DR1: variants seen among roughly 807,000 people sequenced by gnomAD.
DR1 encodes protein Dr1.
Under a neutral mutation model 19.9 loss-of-function variants are expected in DR1, and 7 were observed. The ratio of observed to expected loss-of-function variants is 0.35; its 90% CI spans 0.20 to 0.66. The LOEUF (loss-of-function observed/expected upper bound fraction) is 0.66, where lower values mean the gene tolerates loss of function less well. Among genes scored for constraint, DR1 ranks in the 30% least tolerant of loss-of-function variants. DR1 has a pLI of 0.66. For missense variants in DR1, 98 were observed against 203.7 expected (o/e 0.48, Z 3.16); for synonymous variants, 76 against 72.5 (o/e 1.05, Z -0.24).
chr1:93,346,487 C>G lies in DR1; in HGVS notation c.-159C>G, dbSNP rs1666841266. 9 of 625,212 alleles carry G rather than the reference C, an allele frequency of 1.4e-5. No individual in the cohort carries two copies. The South Asian group carries it at 1.7e-4, about 12-fold the overall frequency. 38.7% of individuals were successfully genotyped at this position (625,212 alleles called of 1,614,324 possible). On this transcript the variant is annotated 5_prime_UTR_variant, in exon 1 of 3. Transcript: ENST00000370272. ...TCTCACACACGCGAGTGTTCCCAGC[C>G]CTCAAGCCAGCTGCTCCTCCGTTCA...
chr1:93,353,885 T>C (rs775004421), intron 1 of DR1, 23 bp from the exon 2 acceptor site: 2 of 1,575,150 alleles, frequency 1.3e-6, no homozygotes, highest in Non-Finnish European at 1.7e-6. Context: ...CCCTTTCATA[T>C]TTTAATATTT....
rs1414203614 is a variant in DR1 at position 93,362,896 on chromosome 1, T to G, written c.*2257T>G. ...TATTATGTTTTGCCAGTTAAAATTT[T>G]TTAAATCTTTTGAAGAGAGAAACAA... On this transcript the variant is annotated 3_prime_UTR_variant, in exon 3 of 3. Transcript: ENST00000370272. 1 of 146,446 alleles carries G rather than the reference T, an allele frequency of 6.8e-6. No individual in the cohort carries two copies. The highest frequency in any genetic ancestry group is 1.5e-5 in the Non-Finnish European group (1 of 66,362). 9.1% of individuals were successfully genotyped at this position (146,446 alleles called of 1,614,324 possible).
chr1:93,359,657 C>G (rs1227363520), intron 2 of DR1, among the ~76,000 whole-genome samples: 1 of 152,036 alleles, frequency 6.6e-6, no homozygotes, highest in Non-Finnish European at 1.5e-5. Context: ...TTTTTAAGAA[C>G]AGGTTCATTT....
At chr1:93,347,267 C>G (rs1456562855) in intron 1 of DR1, among the ~76,000 whole-genome samples, 1 of 152,188 alleles carries the variant, frequency 6.6e-6, no homozygotes. Context: ...AGACAGAGCA[C>G]CCCCTTCCCC....
intron 2 of DR1, among the ~76,000 whole-genome samples, chr1:93,358,465 A>G (rs1667018984): frequency 6.6e-6 from 1 of 152,130 alleles, no homozygotes; most frequent in Non-Finnish European, 1.5e-5. Flanking sequence ...CAGAGACTGA[A>G]CGCGGTTTGC....
rs779082237 is a variant in DR1, at chr1:93,368,914, A to G, written c.*8275A>G. ...GGCCCTCTGTGTCTGGGGGTTCCAC[A>G]TCTATAGATCGACCAACCATGGACT... On this transcript the variant is annotated 3_prime_UTR_variant, in exon 3 of 3. Coordinates refer to ENST00000370272, the MANE Select transcript of DR1 (RefSeq NM_001938.3). 9.9e-5 allele frequency: 15 copies of G among 152,184 alleles called. No individual in the cohort carries two copies. The highest frequency in any genetic ancestry group is 1.9e-4 in the Non-Finnish European group (13 of 68,026). 9.4% of individuals were successfully genotyped at this position (152,184 alleles called of 1,614,324 possible). A position where few individuals can be genotyped will look rare whatever the true frequency, so the allele number is the denominator to read the frequency against.
In DR1 at chr1:93,346,118, T is replaced by C. The variant is rs1666830556; in HGVS notation, c.-528T>C. ...GCAGCGGCAGCGGCAGCGGCGGACA[T>C]GTTGTGAGGCGGCGGCGCGGGTGTC... is the stretch of plus-strand genomic sequence containing the variant. On this transcript the variant is annotated 5_prime_UTR_variant, in exon 1 of 3. The change abolishes an upstream ATG in the 5' untranslated region. Coordinates refer to ENST00000370272, the MANE Select transcript of DR1 (RefSeq NM_001938.3). 6.6e-5 allele frequency: 14 copies of C among 212,996 alleles called. No individual in the cohort carries two copies. The South Asian group carries it at 7.6e-4, about 12-fold the overall frequency. 13.2% of individuals were successfully genotyped at this position (212,996 alleles called of 1,614,324 possible). A position where few individuals can be genotyped will look rare whatever the true frequency, so the allele number is the denominator to read the frequency against.
In DR1 at chr1:93,346,578, C is replaced by G; in HGVS notation, c.-68C>G. ...CTCCGAGGGCGACTTTTTGAGAAAT[C>G]TCGGTGGAGTAGTGGACCAGAGCTG... On this transcript the variant is annotated 5_prime_UTR_variant, in exon 1 of 3. It adds an upstream start codon to the 5' untranslated region. Transcript: ENST00000370272. The G allele has an allele frequency of 7.3e-7, 1 of 1,361,012 alleles. No individual in the cohort carries two copies. The highest frequency in any genetic ancestry group is 1.2e-5 in the South Asian group (1 of 82,526). 84.3% of individuals were successfully genotyped at this position (1,361,012 alleles called of 1,614,324 possible).
At position 93,360,474 on chromosome 1, in the gene DR1, TTA is replaced by T; in HGVS notation, c.385-17_385-16del. Reference sequence around the variant, plus strand: ...GTTTGTAAAAAATTGTTATTTTTTTTTATGTTTTGGGTGTTTAGGCTAGACAG... The same window carrying T: ...GTTTGTAAAAAATTGTTATTTTTTTTTGTTTTGGGTGTTTAGGCTAGACAG... On this transcript the variant is annotated splice_polypyrimidine_tract_variant and intron_variant, in intron 2 of 2. Coordinates refer to ENST00000370272, the MANE Select transcript of DR1 (RefSeq NM_001938.3). 1 of 1,542,196 alleles carries T rather than the reference TTA, an allele frequency of 6.5e-7. No homozygotes were observed. Among genetic ancestry groups the T allele is most frequent in the Non-Finnish European group, 8.7e-7 (1 of 1,149,842 alleles).
At position 93,346,277 on chromosome 1, in the gene DR1, C is replaced by T. The variant is rs1216075624; in HGVS notation, c.-369C>T. ...CGCGGCGAGGCCAGTGCCCCTGGATCTTGCCTCTGCTCCGACGCCGTTGGG... is the reference window on the plus strand; with the variant it reads ...CGCGGCGAGGCCAGTGCCCCTGGATTTTGCCTCTGCTCCGACGCCGTTGGG... On this transcript the variant is annotated 5_prime_UTR_variant, in exon 1 of 3. Coordinates refer to ENST00000370272, the MANE Select transcript of DR1 (RefSeq NM_001938.3). 6.7e-6 allele frequency: 2 copies of T among 297,768 alleles called. No individual in the cohort carries two copies. Among genetic ancestry groups the T allele is most frequent in the African/African-American group, 4.4e-5 (2 of 45,194 alleles). 18.4% of individuals were successfully genotyped at this position (297,768 alleles called of 1,614,324 possible). A position where few individuals can be genotyped will look rare whatever the true frequency, so the allele number is the denominator to read the frequency against.
In DR1 at chr1:93,346,215, T is replaced by C. The variant is rs1187267121; in HGVS notation, c.-431T>C. ...CGGCAGCGGCAGCGGGGCCTCGGGC[T>C]CTATAGAGCCGAGCCCGCTGGGTAC... is the stretch of plus-strand genomic sequence containing the variant. On this transcript the variant is annotated 5_prime_UTR_variant, in exon 1 of 3. Coordinates refer to ENST00000370272, the MANE Select transcript of DR1 (RefSeq NM_001938.3). The C allele has an allele frequency of 6.9e-5, 13 of 187,576 alleles. No individual in the cohort carries two copies. In the East Asian group the frequency reaches 2.3e-3, roughly 33 times the overall value. 11.6% of individuals were successfully genotyped at this position (187,576 alleles called of 1,614,324 possible). A position where few individuals can be genotyped will look rare whatever the true frequency, so the allele number is the denominator to read the frequency against.
intron 1 of DR1, among the ~76,000 whole-genome samples, chr1:93,350,757 G>C (rs926701108): frequency 2.6e-5 from 4 of 151,942 alleles, no homozygotes; most frequent in Non-Finnish European, 1.5e-5. Context: ...TTGTAGTTTT[G>C]AGATACACGG....
Position 93,360,811 on chromosome 1 carries a change from T to C in DR1, c.*172T>C. ...TATTGTGTGCTATACATGTAAAAACTGTCTCTTTGAACTATTGAAAATTTA... is the reference window on the plus strand; with the variant it reads ...TATTGTGTGCTATACATGTAAAAACCGTCTCTTTGAACTATTGAAAATTTA... On this transcript the variant is annotated 3_prime_UTR_variant, in exon 3 of 3. Coordinates refer to ENST00000370272, the MANE Select transcript of DR1 (RefSeq NM_001938.3). 1 of 682,200 alleles carries C rather than the reference T, an allele frequency of 1.5e-6. No individual in the cohort carries two copies. The highest frequency in any genetic ancestry group is 1.9e-5 in the African/African-American group (1 of 52,334). 42.3% of individuals were successfully genotyped at this position (682,200 alleles called of 1,614,324 possible). A position where few individuals can be genotyped will look rare whatever the true frequency, so the allele number is the denominator to read the frequency against.
chr1:93,355,101 T>G (rs1352981403), intron 2 of DR1: 1 of 152,154 alleles, frequency 6.6e-6, no homozygotes, highest in Non-Finnish European at 1.5e-5. Context: ...TAATGGCTAT[T>G]TATTGATATT....
rs1667078391 is a variant in DR1, at chr1:93,363,188, A to T, written c.*2549A>T. 1 of 152,122 alleles carries T rather than the reference A, an allele frequency of 6.6e-6. No homozygotes were observed. Among genetic ancestry groups the T allele is most frequent in the Non-Finnish European group, 1.5e-5 (1 of 68,000 alleles). The allele number at this position is 152,122 out of a possible 1,614,324, so 9.4% of individuals were successfully genotyped here. A position where few individuals can be genotyped will look rare whatever the true frequency, so the allele number is the denominator to read the frequency against. On this transcript the variant is annotated 3_prime_UTR_variant, in exon 3 of 3. Transcript: ENST00000370272. ...AGAAGCCCTCCTCTTTCCCCATCTT[A>T]ACACTGTCTTCTTTCTTGCTGAAAG... is the stretch of plus-strand genomic sequence containing the variant.
Position 93,369,300 on chromosome 1 carries a change from A to T in DR1, c.*8661A>T, listed in dbSNP as rs1037038911. 1.3e-5 allele frequency: 2 copies of T among 152,170 alleles called. No homozygotes were observed. Among genetic ancestry groups the T allele is most frequent in the South Asian group, 2.1e-4 (1 of 4,830 alleles). The allele number at this position is 152,170 out of a possible 1,614,324, so 9.4% of individuals were successfully genotyped here. ...AATGACCTTTATTTGAAGATCTTTTAAAAAAATTATAAGCCTGCCTGAGGA... is the reference window on the plus strand; with the variant it reads ...AATGACCTTTATTTGAAGATCTTTTTAAAAAATTATAAGCCTGCCTGAGGA... On this transcript the variant is annotated 3_prime_UTR_variant, in exon 3 of 3. Coordinates refer to ENST00000370272, the MANE Select transcript of DR1 (RefSeq NM_001938.3).
intron 1 of DR1, 43 bp downstream of exon 1, chr1:93,346,908 A>G (rs1666851749): frequency 6.6e-7 from 1 of 1,515,148 alleles, no homozygotes; most frequent in Non-Finnish European, 9.0e-7. Flanking sequence ...GTTCTAGGGT[A>G]GCAGTCTGCT....
rs968064776 is a variant in DR1 at position 93,345,939 on chromosome 1, C to G, written c.-707C>G. 1 of 152,688 alleles carries G rather than the reference C, an allele frequency of 6.5e-6. No individual in the cohort carries two copies. Among genetic ancestry groups the G allele is most frequent in the African/African-American group, 2.4e-5 (1 of 41,464 alleles). The allele number at this position is 152,688 out of a possible 1,614,324, so 9.5% of individuals were successfully genotyped here. A position where few individuals can be genotyped will look rare whatever the true frequency, so the allele number is the denominator to read the frequency against. On this transcript the variant is annotated 5_prime_UTR_variant, in exon 1 of 3. Coordinates refer to ENST00000370272, the MANE Select transcript of DR1 (RefSeq NM_001938.3). Reference sequence around the variant, plus strand: ...GTGTCGGGAGCGGCTTCCTGCAAACCTTCCCTGGCATCTGGAGGGACCACC... The same window carrying G: ...GTGTCGGGAGCGGCTTCCTGCAAACGTTCCCTGGCATCTGGAGGGACCACC...
intron 2 of DR1, chr1:93,355,237 A>G (rs763570645): frequency 3.3e-5 from 5 of 152,222 alleles, no homozygotes; most frequent in Non-Finnish European, 7.4e-5. Flanking sequence ...TCATTTACAT[A>G]TTAAAAAATA....
Sources: allele counts gnomAD v4.1 joint callset (sites outside exome capture counted in the v4.1 genomes callset), GRCh38; gene constraint gnomAD v4.1.1; transcripts MANE v1.5; gene names NCBI Gene and HGNC (gene_info 2026-07-23, HGNC 2026-07-21).